SCFD2: variants seen among roughly 807,000 people sequenced by gnomAD.
SCFD2 encodes the protein sec1 family domain containing 2.
SCFD2 carries 54 observed loss-of-function variants against 58.9 expected under a neutral mutation model. That is an observed-to-expected ratio of 0.92 (90% CI 0.74 to 1.15). The LOEUF (loss-of-function observed/expected upper bound fraction) is 1.15, where lower values mean the gene tolerates loss of function less well. Ranked by LOEUF, SCFD2 falls within the 50% of genes most tolerant of loss-of-function variation. SCFD2 has a pLI of 0.00. For missense variants in SCFD2, 805 were observed against 836.6 expected (o/e 0.96, Z 0.47); for synonymous variants, 321 against 335.9 (o/e 0.96, Z 0.49).
At chr4:53,271,811 A>G (rs1731177836) in intron 4 of SCFD2, among the ~76,000 whole-genome samples, 2 of 152,164 alleles carry the variant, frequency 1.3e-5, no homozygotes, top group African/African-American at 2.4e-5. Flanking sequence ...TTCATGTCTA[A>G]AACACCAAAA....
At chr4:53,294,374 T>A (rs1731948346) in intron 3 of SCFD2, among the ~76,000 whole-genome samples, 1 of 152,230 alleles carries the variant, frequency 6.6e-6, no homozygotes, top group African/African-American at 2.4e-5. Flanking sequence ...TAGTTTTGAT[T>A]TGCATTTCTC....
At chr4:52,919,356 T>A (rs1196093832) in intron 6 of SCFD2, among the ~76,000 whole-genome samples, 2 of 152,220 alleles carry the variant, frequency 1.3e-5, no homozygotes, top group Non-Finnish European at 2.9e-5. Context: ...CACATTATAG[T>A]ATTTAAGATT....
intron 5 of SCFD2, among the ~76,000 whole-genome samples, chr4:52,967,621 G>A (rs993594152): frequency 2.0e-5 from 3 of 152,186 alleles, no homozygotes; most frequent in African/African-American, 7.2e-5. Context: ...CCTTCCATGG[G>A]AGAAGTGGTC....
At chr4:53,299,524 C>G (rs1284891989) in intron 3 of SCFD2, among the ~76,000 whole-genome samples, 1 of 152,148 alleles carries the variant, frequency 6.6e-6, no homozygotes, top group African/African-American at 2.4e-5. Flanking sequence ...AAACACTCTG[C>G]AGGATATTAT....
intron 4 of SCFD2, among the ~76,000 whole-genome samples, chr4:53,181,914 A>G (rs1454113200): frequency 6.6e-6 from 1 of 152,242 alleles, no homozygotes; most frequent in Non-Finnish European, 1.5e-5. Context: ...TGCTTCAAAG[A>G]GAATAAAATA....
At chr4:53,329,794 T>C (rs1170070625) in intron 2 of SCFD2, among the ~76,000 whole-genome samples, 1 of 151,728 alleles carries the variant, frequency 6.6e-6, no homozygotes, top group African/African-American at 2.4e-5. Context: ...ATCAAATTAC[T>C]CTGAGCTACG....
chr4:53,334,560 A>G (rs1733613115), intron 2 of SCFD2, among the ~76,000 whole-genome samples: 1 of 139,820 alleles, frequency 7.2e-6, no homozygotes, highest in African/African-American at 2.7e-5. Flanking sequence ...ATGAGATCAC[A>G]TGGACACAGG....
At chr4:53,289,094 GT>G (rs1731758815) in intron 3 of SCFD2, among the ~76,000 whole-genome samples, 1 of 152,192 alleles carries the variant, frequency 6.6e-6, no homozygotes, top group African/African-American at 2.4e-5. Flanking sequence ...ACTGGGCATG[GT>G]GGCTCATGCC....
intron 4 of SCFD2, among the ~76,000 whole-genome samples, chr4:53,248,559 C>T (rs201536516): frequency 2.0e-5 from 3 of 152,194 alleles, no homozygotes; most frequent in African/African-American, 7.2e-5. Flanking sequence ...GTTCTCCCAG[C>T]ACGCAGCTGG....
chr4:53,269,015 G>A (rs1001417047), intron 4 of SCFD2, among the ~76,000 whole-genome samples: 1 of 152,190 alleles, frequency 6.6e-6, no homozygotes, highest in African/African-American at 2.4e-5. Flanking sequence ...ACCCTGTGCT[G>A]TTAGACTAGA....
chr4:53,365,441 A>G lies in SCFD2; in HGVS notation c.501T>C (p.Phe167=). The G allele has an allele frequency of 6.2e-7, 1 of 1,614,190 alleles. No individual in the cohort carries two copies. Among genetic ancestry groups the G allele is most frequent in the South Asian group, 1.1e-5 (1 of 91,088 alleles). The part of the protein sequence containing the change: ...PLLLAPVAPH[F]ALTPAFASLF... ...GGGATGCAAAAGCTGGAGTCAAGGC[A>G]AAGTGGGGAGCAACAGGGGCAAGCA... Residue 167 remains phenylalanine, a synonymous_variant, in exon 1 of 9, where the codon TTT becomes TTC. Transcript: ENST00000401642. The surrounding 1 kb of genome is among the most constrained non-coding windows in gnomAD (Gnocchi z 4.3).
At chr4:53,050,889 C>T (rs946807435) in intron 5 of SCFD2, among the ~76,000 whole-genome samples, 2 of 152,176 alleles carry the variant, frequency 1.3e-5, no homozygotes, top group African/African-American at 4.8e-5. Flanking sequence ...TCTTCTGTCT[C>T]CCCATTTCCT....
chr4:53,364,858 C>T (rs1391874311), intron 1 of SCFD2, among the ~76,000 whole-genome samples: 1 of 152,172 alleles, frequency 6.6e-6, no homozygotes, highest in African/African-American at 2.4e-5. Flanking sequence ...TTTAACAAGG[C>T]AATGGGCATT....
intron 5 of SCFD2, among the ~76,000 whole-genome samples, chr4:52,985,307 G>A (rs983809312): frequency 3.9e-5 from 6 of 152,084 alleles, no homozygotes; most frequent in African/African-American, 1.4e-4. Flanking sequence ...TACAGTTTTA[G>A]GACCTTTCTG....
intron 4 of SCFD2, among the ~76,000 whole-genome samples, chr4:53,202,190 A>G (rs2148968868): frequency 6.6e-6 from 1 of 152,168 alleles, no homozygotes; most frequent in Non-Finnish European, 1.5e-5. Flanking sequence ...TCCATCTTGA[A>G]TTAATTTTTG....
At chr4:53,171,260 A>G (rs1009286259) in intron 4 of SCFD2, among the ~76,000 whole-genome samples, 1 of 152,210 alleles carries the variant, frequency 6.6e-6, no homozygotes, top group African/African-American at 2.4e-5. Context: ...TTCTGCATCT[A>G]ATAAGATGAT....
At chr4:53,340,081 C>G (rs920962561) in intron 2 of SCFD2, among the ~76,000 whole-genome samples, 1 of 152,116 alleles carries the variant, frequency 6.6e-6, no homozygotes, top group African/African-American at 2.4e-5. Flanking sequence ...AACTGAGGTA[C>G]CGGGTTCATC....
intron 4 of SCFD2, among the ~76,000 whole-genome samples, chr4:53,238,070 C>A (rs1283024430): frequency 7.6e-6 from 1 of 131,870 alleles, no homozygotes; most frequent in African/African-American, 2.9e-5. Flanking sequence ...CCCCACCTCC[C>A]TCCCGGATGG....
At chr4:53,202,159 G>T (rs1728263935) in intron 4 of SCFD2, among the ~76,000 whole-genome samples, 1 of 152,026 alleles carries the variant, frequency 6.6e-6, no homozygotes, top group South Asian at 2.1e-4. Flanking sequence ...ATGGTTTTAG[G>T]TCTAACATGT....
Sources: allele counts gnomAD v4.1 joint callset (sites outside exome capture counted in the v4.1 genomes callset), GRCh38; gene constraint gnomAD v4.1.1; non-coding constraint Gnocchi (gnomAD v3.1); transcripts MANE v1.5; gene names NCBI Gene and HGNC (gene_info 2026-07-23, HGNC 2026-07-21).